EDA: variants seen among roughly 807,000 people sequenced by gnomAD.
The protein encoded by EDA is ectodysplasin-A.
Under a neutral mutation model 23.6 loss-of-function variants are expected in EDA, and 2 were observed. The observed-to-expected ratio is 0.08, with a 90% CI of 0.03 to 0.27. The LOEUF (loss-of-function observed/expected upper bound fraction) is 0.27, where lower values mean the gene tolerates loss of function less well. EDA is among the 10% of genes least tolerant of loss of function. The pLI, the probability that EDA is intolerant of heterozygous loss-of-function variation, is 1.00. For missense variants in EDA, 229 were observed against 324.2 expected, an observed-to-expected ratio of 0.71 and a Z score of 2.26; for synonymous variants, 131 against 132.0, an observed-to-expected ratio of 0.99 and a Z score of 0.05.
chrX:69,754,999 C>G (rs1054032530), intron 1 of EDA, among the ~76,000 whole-genome samples: 3 of 111,741 alleles, frequency 2.7e-5, no homozygotes, highest in Non-Finnish European at 3.8e-5. Context: ...TGGGTTTGAA[C>G]GTCCTCCTTT....
chrX:69,861,415 G>A (rs761934809), intron 1 of EDA, among the ~76,000 whole-genome samples: 3 of 111,254 alleles, frequency 2.7e-5, no homozygotes, highest in Non-Finnish European at 5.7e-5. Flanking sequence ...AGTAGAAATA[G>A]AGTAGATAGC....
chrX:69,649,631 G>A (rs953025640), intron 1 of EDA, among the ~76,000 whole-genome samples: 5 of 105,854 alleles, frequency 4.7e-5, no homozygotes, highest in Admixed American at 1.0e-4. Flanking sequence ...CTGTCACCCA[G>A]GCTGGAGTGC....
intron 1 of EDA, among the ~76,000 whole-genome samples, chrX:69,642,768 C>T (rs1932855555): frequency 9.0e-6 from 1 of 111,066 alleles, no homozygotes; most frequent in East Asian, 2.8e-4. Context: ...GAAAACAAAA[C>T]AAAACAAAGC....
At chrX:69,628,161 A>G (rs1460640585) in intron 1 of EDA, among the ~76,000 whole-genome samples, 2 of 112,105 alleles carry the variant, frequency 1.8e-5, no homozygotes, top group African/African-American at 3.2e-5. Flanking sequence ...TGTTATTCTT[A>G]CTTCATCCTG....
Position 70,038,760 on chromosome X carries a change from T to C in EDA, c.*3151T>C, listed in dbSNP as rs2147522883. The C allele has an allele frequency of 8.9e-6, 1 of 112,280 alleles. No homozygotes were observed. Among genetic ancestry groups the C allele is most frequent in the African/African-American group, 3.2e-5 (1 of 30,802 alleles). The allele number at this position is 112,280 out of a possible 1,213,427, so 9.3% of individuals were successfully genotyped here. On this transcript the variant is annotated 3_prime_UTR_variant, in exon 8 of 8. Coordinates refer to ENST00000374552, the MANE Select transcript of EDA (RefSeq NM_001399.5). ...TTATGTAACTTCCTGTGGATGCAAA[T>C]AGATTCAGAGAAATTTAGAGCTAAA...
At chrX:69,747,017 T>G (rs961856643) in intron 1 of EDA, among the ~76,000 whole-genome samples, 2 of 112,035 alleles carry the variant, frequency 1.8e-5, no homozygotes, top group Non-Finnish European at 3.8e-5. Context: ...AAATATGTTC[T>G]GAGGTTCTAG....
intron 1 of EDA, among the ~76,000 whole-genome samples, chrX:69,676,690 TTA>T (rs1263226162): frequency 1.8e-5 from 2 of 111,309 alleles, no homozygotes; most frequent in East Asian, 5.6e-4. Context: ...AGTTCACCCT[TTA>T]TAAAGTGAGG....
At position 69,907,033 on chromosome X, in the gene EDA, A is replaced by G. The variant is rs190339172; in HGVS notation, c.397-49994A>G. 3.6e-5 allele frequency among the ~76,000 whole-genome samples: 4 copies of G among 111,698 alleles called. No homozygotes were observed. In the East Asian group the frequency reaches 1.1e-3, roughly 32 times the overall value. ...GGAAGAAAGAACTGCTTGGTGAGAT[A>G]GTGATGATAGGCACCTTGGGAGAAA... On this transcript the variant is annotated intron_variant, in intron 1 of 7. Transcript: ENST00000374552.
At chrX:69,783,011 A>T (rs2015001766) in intron 1 of EDA, among the ~76,000 whole-genome samples, 1 of 111,918 alleles carries the variant, frequency 8.9e-6, no homozygotes, top group Non-Finnish European at 1.9e-5. Flanking sequence ...CATATTTTTC[A>T]GAATGTGAGT....
At position 69,768,349 on chromosome X, in the gene EDA, A is replaced by G. The variant is rs766824337; in HGVS notation, c.396+151645A>G. On this transcript the variant is annotated intron_variant, in intron 1 of 7. Coordinates refer to ENST00000374552, the MANE Select transcript of EDA (RefSeq NM_001399.5). ...GCTCGTACATTTAGGTCCATGATCCATATTGACTTAATGTTTTATACAATG... is the reference window on the plus strand; with the variant it reads ...GCTCGTACATTTAGGTCCATGATCCGTATTGACTTAATGTTTTATACAATG... 1.0e-3 allele frequency among the ~76,000 whole-genome samples: 117 copies of G among 112,205 alleles called. 1 individual carries two copies. Among genetic ancestry groups the G allele is most frequent in the Admixed American group, 2.4e-3 (25 of 10,588 alleles).
intron 1 of EDA, among the ~76,000 whole-genome samples, chrX:69,835,945 G>A (rs1293973027): frequency 1.8e-5 from 2 of 111,987 alleles, no homozygotes; most frequent in Admixed American, 1.9e-4. Context: ...TTTCTGTTTG[G>A]TAGTTTTCCT....
At chrX:70,005,210 G>A (rs2019787630) in intron 2 of EDA, among the ~76,000 whole-genome samples, 2 of 111,771 alleles carry the variant, frequency 1.8e-5, no homozygotes, top group South Asian at 7.5e-4. Flanking sequence ...CATTTATTTA[G>A]GCCATAAAAT....
At chrX:69,633,519 C>T (rs142680989) in intron 1 of EDA, among the ~76,000 whole-genome samples, 16 of 111,995 alleles carry the variant, frequency 1.4e-4, no homozygotes, top group East Asian at 8.5e-4. Flanking sequence ...CCCAATTCCT[C>T]CTTTCCCCCA....
chrX:69,676,908 A>G (rs1311326529), intron 1 of EDA, among the ~76,000 whole-genome samples: 1 of 105,540 alleles, frequency 9.5e-6, no homozygotes, highest in African/African-American at 3.5e-5. Context: ...TACATGTGCC[A>G]TGCTGGTGCG....
intron 1 of EDA, among the ~76,000 whole-genome samples, chrX:69,882,423 G>A (rs1602506965): frequency 8.9e-6 from 1 of 112,036 alleles, no homozygotes; most frequent in Non-Finnish European, 1.9e-5. Context: ...ATTCATGATT[G>A]CCTTAATGAA....
At chrX:70,016,045 GAA>G (rs369409357) in intron 2 of EDA, among the ~76,000 whole-genome samples, 2 of 87,198 alleles carry the variant, frequency 2.3e-5, no homozygotes, top group Middle Eastern at 5.2e-3. Flanking sequence ...AATGGAGAAA[GAA>G]AAAAAAAAAC....
chrX:69,627,960 C>A (rs1342106315), intron 1 of EDA, among the ~76,000 whole-genome samples: 4 of 111,548 alleles, frequency 3.6e-5, no homozygotes, highest in Non-Finnish European at 7.5e-5. Context: ...CTGCTGAAAC[C>A]ACTTTAAAAT....
At chrX:69,638,444 C>T (rs1352944473) in intron 1 of EDA, among the ~76,000 whole-genome samples, 1 of 112,152 alleles carries the variant, frequency 8.9e-6, no homozygotes, top group Non-Finnish European at 1.9e-5. Flanking sequence ...TAATCATTTA[C>T]AGTCCAGTTA....
chrX:70,004,966 C>G (rs2019783761), intron 2 of EDA, among the ~76,000 whole-genome samples: 1 of 111,282 alleles, frequency 9.0e-6, no homozygotes, highest in Non-Finnish European at 1.9e-5. Context: ...TGTGGTGGCA[C>G]ATGTCTGTAG....
Sources: gnomAD v4.1 joint callset for allele counts (sites outside exome capture counted in the v4.1 genomes callset) on GRCh38, gnomAD v4.1.1 for gene constraint, MANE v1.5 for transcripts, NCBI Gene and HGNC (gene_info 2026-07-23, HGNC 2026-07-21) for gene names.